The following CCDC170 variants were observed in gnomAD, a reference collection of about 807,000 sequenced individuals.
The protein encoded by CCDC170 is coiled-coil domain-containing protein 170.
In CCDC170, 69 loss-of-function variants were observed where a neutral mutation model predicts 72.6. The observed-to-expected ratio is 0.95, with a 90% confidence interval of 0.78 to 1.16. CCDC170 has a LOEUF of 1.16. Among genes scored for constraint, CCDC170 ranks in the 50% most tolerant of loss-of-function variants. CCDC170 has a pLI of 0.00. For synonymous variants in CCDC170, 300 were observed against 303.9 expected (o/e 0.99, Z 0.13); for missense variants, 852 against 832.5 (o/e 1.02, Z -0.29).
At chr6:151,568,583 T>C (rs909184939) in intron 5 of CCDC170, among the ~76,000 whole-genome samples, 6 of 152,208 alleles carry the variant, frequency 3.9e-5, no homozygotes, top group African/African-American at 1.4e-4. Context: ...ACAATTCCCT[T>C]CTCTAGAGGT....
chr6:151,604,786 AT>A (rs1776759978), intron 9 of CCDC170, among the ~76,000 whole-genome samples: 2 of 152,144 alleles, frequency 1.3e-5, no homozygotes, highest in African/African-American at 4.8e-5. Flanking sequence ...AACTGTACAT[AT>A]TTTTGGGATA....
intron 9 of CCDC170, among the ~76,000 whole-genome samples, chr6:151,614,207 A>C (rs932053077): frequency 1.3e-5 from 2 of 152,152 alleles, no homozygotes; most frequent in Admixed American, 6.5e-5. Context: ...CATTATCACT[A>C]TCCACATCTA....
intron 1 of CCDC170, among the ~76,000 whole-genome samples, chr6:151,524,849 C>G (rs1011181434): frequency 6.6e-6 from 1 of 150,896 alleles, no homozygotes; most frequent in African/African-American, 2.4e-5. Context: ...GTTTTGTTCT[C>G]TAATTTACTT....
At chr6:151,513,987 T>A (rs1562267748) in intron 1 of CCDC170, among the ~76,000 whole-genome samples, 1 of 149,620 alleles carries the variant, frequency 6.7e-6, no homozygotes, top group Admixed American at 6.7e-5. Context: ...CTGATAAGAC[T>A]GTGGGTGGCA....
chr6:151,500,028 C>A (rs1372674119), intron 1 of CCDC170, among the ~76,000 whole-genome samples: 1 of 152,124 alleles, frequency 6.6e-6, no homozygotes, highest in African/African-American at 2.4e-5. Context: ...CCACTGTTTC[C>A]GTAGTGGCTG....
At chr6:151,548,212 A>T in intron 4 of CCDC170, 92 bp from the exon 5 acceptor site, 1 of 1,107,596 alleles carries the variant, frequency 9.0e-7, no homozygotes, top group Non-Finnish European at 1.2e-6. Context: ...TACATTTTTC[A>T]TATGATAATG....
intron 9 of CCDC170, among the ~76,000 whole-genome samples, chr6:151,613,582 A>G (rs1478002240): frequency 6.6e-6 from 1 of 152,180 alleles, no homozygotes; most frequent in Admixed American, 6.5e-5. Flanking sequence ...TATAAATGGG[A>G]TAATAGAATA....
chr6:151,561,098 G>T (rs1420904402), intron 5 of CCDC170, among the ~76,000 whole-genome samples: 1 of 151,712 alleles, frequency 6.6e-6, no homozygotes, highest in Non-Finnish European at 1.5e-5. Context: ...TACATAGTGG[G>T]TGTGTATATT....
intron 5 of CCDC170, among the ~76,000 whole-genome samples, chr6:151,568,268 G>A (rs1776167810): frequency 6.6e-6 from 1 of 152,132 alleles, no homozygotes; most frequent in African/African-American, 2.4e-5. Flanking sequence ...ATGTAAGTTT[G>A]AATAGTGCTG....
intron 3 of CCDC170, among the ~76,000 whole-genome samples, chr6:151,541,871 T>A (rs1017373143): frequency 3.1e-5 from 2 of 63,652 alleles, no homozygotes; most frequent in African/African-American, 4.4e-5. Flanking sequence ...TATAAATATA[T>A]ATATATATAT....
At chr6:151,499,926 G>C (rs2115017223) in intron 1 of CCDC170, among the ~76,000 whole-genome samples, 1 of 152,242 alleles carries the variant, frequency 6.6e-6, no homozygotes, top group Non-Finnish European at 1.5e-5. Context: ...CAATATCTCT[G>C]TGAGACCCTG....
At chr6:151,521,569 G>A (rs1221163880) in intron 1 of CCDC170, among the ~76,000 whole-genome samples, 1 of 152,156 alleles carries the variant, frequency 6.6e-6, no homozygotes, top group Non-Finnish European at 1.5e-5. Context: ...GATATTTACA[G>A]TTAAGGGAAC....
In CCDC170 at chr6:151,558,445, T is replaced by C. The variant is rs1237185055; in HGVS notation, c.774+9956T>C. 6.6e-5 allele frequency among the ~76,000 whole-genome samples: 10 copies of C among 152,142 alleles called. No individual in the cohort carries two copies. In the East Asian group the frequency reaches 1.9e-3, roughly 29 times the overall value. On this transcript the variant is annotated intron_variant, in intron 5 of 10. Transcript: ENST00000239374. ...ACTTTTGTTTTTGTTGCCTGTGCTG[T>C]TGAGATCTTAGCCCTAAAATATTTT...
At chr6:151,555,377 A>G (rs1782958909) in intron 5 of CCDC170, among the ~76,000 whole-genome samples, 1 of 152,214 alleles carries the variant, frequency 6.6e-6, no homozygotes, top group African/African-American at 2.4e-5. Context: ...ATTTATAGTC[A>G]TATGGAAATA....
At position 151,619,322 on chromosome 6, in the gene CCDC170, G is replaced by C. The variant is rs955695995; in HGVS notation, c.*1175G>C. 3 of 151,900 alleles carry C rather than the reference G, an allele frequency of 2.0e-5. No individual in the cohort carries two copies. Among genetic ancestry groups the C allele is most frequent in the African/African-American group, 7.3e-5 (3 of 41,332 alleles). The allele number at this position is 151,900 out of a possible 1,614,324, so 9.4% of individuals were successfully genotyped here. On this transcript the variant is annotated 3_prime_UTR_variant, in exon 11 of 11. Coordinates refer to ENST00000239374, the MANE Select transcript of CCDC170 (RefSeq NM_025059.4). ...ATATATCCAATACACCCACAGCAAT[G>C]GTACCTTTTTAAGATCAGGATTTTA...
intron 2 of CCDC170, 58 bp from the exon 3 acceptor site, chr6:151,537,987 A>C (rs1382113144): frequency 1.3e-6 from 2 of 1,507,752 alleles, no homozygotes; most frequent in Non-Finnish European, 1.8e-6. Flanking sequence ...TTTCTTAAAG[A>C]TAATTCAAAC....
chr6:151,581,624 A>C (rs1438220915), intron 6 of CCDC170, among the ~76,000 whole-genome samples: 1 of 152,232 alleles, frequency 6.6e-6, no homozygotes, highest in Non-Finnish European at 1.5e-5. Flanking sequence ...TATCAAGAGT[A>C]GTGAATCCTT....
Position 151,548,296 on chromosome 6 carries a change from C to G in CCDC170, c.589-8C>G. 1 of 1,537,018 alleles carries G rather than the reference C, an allele frequency of 6.5e-7. No individual in the cohort carries two copies. Among genetic ancestry groups the G allele is most frequent in the Non-Finnish European group, 8.8e-7 (1 of 1,138,794 alleles). On this transcript the variant is annotated splice_polypyrimidine_tract_variant and splice_region_variant and intron_variant, in intron 4 of 10. Coordinates refer to ENST00000239374, the MANE Select transcript of CCDC170 (RefSeq NM_025059.4). ...TTTATAGGACAGCTGTAATTGCTTT[C>G]TCTTCAGCTTAGAGACCTGCGCAAA...
chr6:151,617,667 C>T (rs1283859325), intron 10 of CCDC170, among the ~76,000 whole-genome samples: 1 of 151,992 alleles, frequency 6.6e-6, no homozygotes, highest in Admixed American at 6.6e-5. Flanking sequence ...AGGTCTGGGT[C>T]TCATTCATGG....
Sources: gnomAD v4.1 joint callset for allele counts (sites outside exome capture counted in the v4.1 genomes callset) on GRCh38, gnomAD v4.1.1 for gene constraint, MANE v1.5 for transcripts, NCBI Gene and HGNC (gene_info 2026-07-23, HGNC 2026-07-21) for gene names.